The following TOP2B variants were observed in gnomAD, a reference collection of about 807,000 sequenced individuals.
TOP2B encodes DNA topoisomerase II beta.
Under a neutral mutation model 193.5 loss-of-function variants are expected in TOP2B, and 51 were observed. The observed-to-expected ratio is 0.26, with a 90% CI of 0.21 to 0.33. TOP2B has a LOEUF of 0.33. TOP2B is among the 10% of genes least tolerant of loss of function. TOP2B has a pLI of 1.00. For synonymous variants in TOP2B, 634 were observed against 635.7 expected (o/e 1.00, Z 0.04); for missense variants, 1,378 against 1,909.3 (o/e 0.72, Z 5.19).
intron 18 of TOP2B, 43 bp from the exon 19 acceptor site, chr3:25,624,846 A>G: frequency 1.3e-6 from 2 of 1,575,962 alleles, no homozygotes; most frequent in Non-Finnish European, 1.7e-6. Flanking sequence ...TTCAAGATAT[A>G]GTTGTAACAA....
chr3:25,609,585 C>A lies in TOP2B; in HGVS notation c.3914G>T (p.Arg1305Met). Reference protein sequence around the residue: ...VPINKGPKPKREKKEPGTRVR... With the variant: ...VPINKGPKPKMEKKEPGTRVR... ...TTTCTCACCAGGCTCCTTCTTCTCC[C>A]TCTTAGGTTTGGGACCTTTATTTAT... The change falls in exon 29 of 36, where the codon AGG becomes ATG. Residue 1305 changes from arginine (R) to methionine (M), a missense_variant. This residue lies in a region of TOP2B where 556 missense variants were observed against 584.2 expected (regional missense o/e 0.95). Transcript: ENST00000264331. The A allele has an allele frequency of 6.2e-7, 1 of 1,606,146 alleles. No homozygotes were observed. Among genetic ancestry groups the A allele is most frequent in the Admixed American group, 1.7e-5 (1 of 58,954 alleles).
chr3:25,618,295 C>T lies in TOP2B; in HGVS notation c.3351+123G>A, dbSNP rs377007751. On this transcript the variant is annotated intron_variant, in intron 25 of 35. Transcript: ENST00000264331. The stretch of plus-strand genomic sequence containing the variant: ...CTGTGGATAAACAGAAGACTTTAGT[C>T]TCTAAATAGACAACTCAGCACCTTT... The T allele has an allele frequency of 1.9e-3, 1,304 of 669,216 alleles. 3 individuals are homozygous for T. Among genetic ancestry groups the T allele is most frequent in the Middle Eastern group, 0.01 (33 of 3,270 alleles). The allele number at this position is 669,216 out of a possible 1,614,324, so 41.5% of individuals were successfully genotyped here. A position where few individuals can be genotyped will look rare whatever the true frequency, so the allele number is the denominator to read the frequency against.
chr3:25,627,610 T>C (rs1247802861), intron 15 of TOP2B, among the ~76,000 whole-genome samples: 1 of 152,106 alleles, frequency 6.6e-6, no homozygotes, highest in Non-Finnish European at 1.5e-5. Flanking sequence ...TAGAGGAATA[T>C]AATTAACAAA....
chr3:25,650,203 G>A (rs1470315487), intron 1 of TOP2B, among the ~76,000 whole-genome samples: 4 of 152,214 alleles, frequency 2.6e-5, no homozygotes, highest in East Asian at 3.8e-4. Context: ...AAAGACTCTG[G>A]TGAAGCTTTC....
Position 25,624,457 on chromosome 3 carries a change from A to T in TOP2B, c.2347-12T>A. On this transcript the variant is annotated splice_polypyrimidine_tract_variant and intron_variant, in intron 19 of 35. Coordinates refer to ENST00000264331, the MANE Select transcript of TOP2B (RefSeq NM_001330700.2). Reference sequence around the variant, plus strand: ...ATCATCAATGCTTGCTATACAACAGAAGAAGGCAGAACATAACATTAATAT... The same window carrying T: ...ATCATCAATGCTTGCTATACAACAGTAGAAGGCAGAACATAACATTAATAT... The T allele has an allele frequency of 6.2e-7, 1 of 1,609,766 alleles. No individual in the cohort carries two copies.
At chr3:25,630,991 A>C (rs376866647) in intron 10 of TOP2B, 52 bp from the exon 11 acceptor site, 4 of 1,494,758 alleles carry the variant, frequency 2.7e-6, no homozygotes, top group Middle Eastern at 1.8e-4. Context: ...TCATACATTT[A>C]GCTAAAATGT....
chr3:25,624,882 A>G (rs1173630099), intron 18 of TOP2B, 79 bp from the exon 19 acceptor site: 1 of 1,425,942 alleles, frequency 7.0e-7, no homozygotes, highest in African/African-American at 1.4e-5. Context: ...CAAAGATACA[A>G]TTTGCTTTTC....
At chr3:25,604,967 A>C (rs1575561147) in intron 32 of TOP2B, 97 bp from the exon 33 acceptor site, 1 of 782,876 alleles carries the variant, frequency 1.3e-6, no homozygotes, top group East Asian at 2.6e-5. Context: ...TTAGCTAGAC[A>C]ATTGATCTTA....
intron 1 of TOP2B, among the ~76,000 whole-genome samples, chr3:25,660,103 C>A (rs558960505): frequency 5.6e-4 from 85 of 152,288 alleles, no homozygotes; most frequent in African/African-American, 1.9e-3. Context: ...GGTGAACATA[C>A]TTCGATTCAG....
chr3:25,609,568 C>A lies in TOP2B; in HGVS notation c.3931G>T (p.Gly1311Cys). 1 of 1,605,956 alleles carries A rather than the reference C, an allele frequency of 6.2e-7. No homozygotes were observed. Among genetic ancestry groups the A allele is most frequent in the Admixed American group, 1.7e-5 (1 of 59,006 alleles). ...PKPKREKKEP[G>C]TRVRKTPTSS... ...ATGCAAAACTATAATCATTTCTCAC[C>A]AGGCTCCTTCTTCTCCCTCTTAGGT... The change falls in exon 29 of 36, where the codon GGT (glycine) becomes TGT (cysteine). Residue 1311 changes from glycine (G) to cysteine (C), a missense_variant and splice_region_variant. Physicochemically the swap from Gly to Cys is radical, Grantham distance 159. Transcript: ENST00000264331.
chr3:25,663,315 C>T (rs997183555), intron 1 of TOP2B, among the ~76,000 whole-genome samples: 1 of 152,158 alleles, frequency 6.6e-6, no homozygotes, highest in Admixed American at 6.5e-5. Flanking sequence ...GACGGGGGAA[C>T]AGACCGTCAA....
Position 25,657,594 on chromosome 3 carries a change from A to G in TOP2B, c.69+6635T>C, listed in dbSNP as rs892246506. 2.0e-5 allele frequency among the ~76,000 whole-genome samples: 3 copies of G among 152,168 alleles called. No homozygotes were observed. In the South Asian group the frequency reaches 6.2e-4, roughly 31 times the overall value. ...ACTTTACAGATCATAAAAGAGAGTGATGTATATCTGACACATGCAGGCTAA... is the reference window on the plus strand; with the variant it reads ...ACTTTACAGATCATAAAAGAGAGTGGTGTATATCTGACACATGCAGGCTAA... On this transcript the variant is annotated intron_variant, in intron 1 of 35. Coordinates refer to ENST00000264331, the MANE Select transcript of TOP2B (RefSeq NM_001330700.2).
intron 1 of TOP2B, among the ~76,000 whole-genome samples, chr3:25,650,759 C>G (rs1396625158): frequency 6.6e-6 from 1 of 152,156 alleles, no homozygotes; most frequent in South Asian, 2.1e-4. Flanking sequence ...CTGCTGCAGG[C>G]TTCATCTTTA....
intron 1 of TOP2B, among the ~76,000 whole-genome samples, chr3:25,646,820 GAAGAT>G (rs1272191342): frequency 1.3e-5 from 2 of 151,952 alleles, no homozygotes; most frequent in Non-Finnish European, 2.9e-5. Flanking sequence ...AAGTCTAAAC[GAAGAT>G]AAGAATTTAA....
chr3:25,624,040 T>C (rs1285208144), intron 20 of TOP2B, among the ~76,000 whole-genome samples: 1 of 152,212 alleles, frequency 6.6e-6, no homozygotes, highest in Non-Finnish European at 1.5e-5. Flanking sequence ...ATAAAGTACA[T>C]AACCCATCTT....
chr3:25,649,950 G>A (rs1472930240), intron 1 of TOP2B, among the ~76,000 whole-genome samples: 3 of 152,136 alleles, frequency 2.0e-5, no homozygotes, highest in Non-Finnish European at 4.4e-5. Flanking sequence ...GATGATATCA[G>A]CCATTTAGCT....
intron 34 of TOP2B, among the ~76,000 whole-genome samples, chr3:25,600,141 T>A (rs1702052215): frequency 6.6e-6 from 1 of 152,082 alleles, no homozygotes; most frequent in Non-Finnish European, 1.5e-5. Context: ...CATGCAGCAT[T>A]TTTTTTCACC....
At chr3:25,634,696 T>C (rs141173157) in intron 7 of TOP2B, among the ~76,000 whole-genome samples, 24 of 149,398 alleles carry the variant, frequency 1.6e-4, no homozygotes, top group African/African-American at 5.9e-4. Context: ...ATCTAGAGGT[T>C]TCCCCTCTGC....
Position 25,632,807 on chromosome 3 carries a change from A to G in TOP2B, c.1027-13T>C. The G allele has an allele frequency of 6.3e-7, 1 of 1,599,152 alleles. No homozygotes were observed. The highest frequency in any genetic ancestry group is 1.7e-5 in the Admixed American group (1 of 59,196). On this transcript the variant is annotated splice_polypyrimidine_tract_variant and intron_variant, in intron 8 of 35. Transcript: ENST00000264331. ...CGTGCCGTCCACCCTAAAGAAAAAA[A>G]AATATATGAAATCTGAAATCCTGTA...
Sources: gnomAD v4.1 joint callset for allele counts (sites outside exome capture counted in the v4.1 genomes callset) on GRCh38, gnomAD v4.1.1 for gene constraint, gnomAD v4.1.1 regional missense constraint, MANE v1.5 for transcripts, NCBI Gene and HGNC (gene_info 2026-07-23, HGNC 2026-07-21) for gene names.